AUTS2: variants seen among roughly 807,000 people sequenced by gnomAD.
The protein encoded by AUTS2 is autism susceptibility gene 2 protein.
Under a neutral mutation model 112.4 loss-of-function variants are expected in AUTS2, and 17 were observed. The observed-to-expected ratio is 0.15, with a 90% CI of 0.10 to 0.23. The LOEUF (loss-of-function observed/expected upper bound fraction) is 0.23. AUTS2 is among the 10% of genes least tolerant of loss of function. AUTS2 has a pLI of 1.00. For missense variants in AUTS2, 1,510 were observed against 1,701.6 expected, an observed-to-expected ratio of 0.89 and a Z score of 1.98; for synonymous variants, 751 against 702.7, an observed-to-expected ratio of 1.07 and a Z score of -1.09.
intron 1 of AUTS2, among the ~76,000 whole-genome samples, chr7:69,830,993 T>C (rs906882344): frequency 3.3e-5 from 5 of 152,160 alleles, no homozygotes; most frequent in East Asian, 1.9e-4. Context: ...GAGACCTTTA[T>C]AGTAGTGAAA....
chr7:69,742,608 A>G (rs953157814), intron 1 of AUTS2, among the ~76,000 whole-genome samples: 2 of 152,318 alleles, frequency 1.3e-5, no homozygotes, highest in African/African-American at 4.8e-5. Flanking sequence ...TTTAAGCATC[A>G]AAACTAACTT....
chr7:69,613,396 A>G (rs1793147515), intron 1 of AUTS2, among the ~76,000 whole-genome samples: 1 of 152,228 alleles, frequency 6.6e-6, no homozygotes, highest in Non-Finnish European at 1.5e-5. Context: ...ATATATCTGT[A>G]ACATATTCGT....
At position 70,582,697 on chromosome 7, in the gene AUTS2, A is replaced by G. The variant is rs141451577; in HGVS notation, c.691-115872A>G. On this transcript the variant is annotated intron_variant, in intron 5 of 18. Transcript: ENST00000342771. ...GTTCATTTCCCTCTTCATCGTTCTT[A>G]GTAGCTTTTAGAAAATGTGTCTGCT... 5.6e-4 allele frequency among the ~76,000 whole-genome samples: 85 copies of G among 152,302 alleles called. No homozygotes were observed. The East Asian group carries it at 0.011, about 19-fold the overall frequency.
intron 2 of AUTS2, among the ~76,000 whole-genome samples, chr7:70,003,540 T>C (rs1323083316): frequency 3.2e-5 from 4 of 126,196 alleles, no homozygotes; most frequent in African/African-American, 1.3e-4. Flanking sequence ...ATATGTTATA[T>C]ATGTATATAT....
intron 1 of AUTS2, among the ~76,000 whole-genome samples, chr7:69,652,657 T>G (rs1054367230): frequency 6.6e-6 from 1 of 152,060 alleles, no homozygotes; most frequent in Admixed American, 6.5e-5. Context: ...ATTTGTGAAT[T>G]TATGGACCTG....
At chr7:69,789,907 G>A (rs1789540398) in intron 1 of AUTS2, among the ~76,000 whole-genome samples, 2 of 152,080 alleles carry the variant, frequency 1.3e-5, no homozygotes, top group Admixed American at 1.3e-4. Flanking sequence ...CTGAAATGAT[G>A]ACAGTGAGTG....
intron 1 of AUTS2, among the ~76,000 whole-genome samples, chr7:69,744,988 G>A (rs1787427956): frequency 6.6e-6 from 1 of 152,214 alleles, no homozygotes; most frequent in South Asian, 2.1e-4. Context: ...AAGTGCTGCA[G>A]TCCATTTGGC....
intron 2 of AUTS2, among the ~76,000 whole-genome samples, chr7:70,013,404 C>G (rs1037402647): frequency 6.6e-6 from 1 of 152,162 alleles, no homozygotes; most frequent in African/African-American, 2.4e-5. Flanking sequence ...AAGTCAAGAT[C>G]GCTTTTAGCT....
rs552651146 is a variant in AUTS2, at chr7:70,236,937, A to T, written c.660+102366A>T. ...GGTGTTCTCTGTACTACTCTGTTTA[A>T]TCTCCCTGCTTACCACTTACTGCCT... On this transcript the variant is annotated intron_variant, in intron 4 of 18. Transcript: ENST00000342771. Among the ~76,000 whole-genome samples the T allele has an allele frequency of 3.3e-5, 5 of 152,236 alleles. No individual in the cohort carries two copies. In the South Asian group the frequency reaches 8.3e-4, roughly 25 times the overall value.
At chr7:70,517,681 A>G (rs1438524759) in intron 5 of AUTS2, among the ~76,000 whole-genome samples, 1 of 151,272 alleles carries the variant, frequency 6.6e-6, no homozygotes, top group Non-Finnish European at 1.5e-5. Context: ...TGTCCAGTTA[A>G]TGATAGAAAT....
At chr7:69,901,645 A>C (rs1264632984) in intron 2 of AUTS2, among the ~76,000 whole-genome samples, 1 of 152,220 alleles carries the variant, frequency 6.6e-6, no homozygotes, top group Non-Finnish European at 1.5e-5. Flanking sequence ...GGAGAAGGAA[A>C]GCATGAATTG....
chr7:70,582,531 G>A (rs1008979580), intron 5 of AUTS2, among the ~76,000 whole-genome samples: 6 of 152,204 alleles, frequency 3.9e-5, no homozygotes, highest in Non-Finnish European at 2.9e-5. Flanking sequence ...GAAAAGGAAA[G>A]GAAAAATACC....
intron 6 of AUTS2, among the ~76,000 whole-genome samples, chr7:70,737,877 A>G (rs1431968167): frequency 1.3e-5 from 2 of 152,216 alleles, no homozygotes; most frequent in Non-Finnish European, 2.9e-5. Flanking sequence ...GCAGTAAAAT[A>G]TAATGCAGAC....
chr7:69,803,311 C>A (rs1369453187), intron 1 of AUTS2, among the ~76,000 whole-genome samples: 1 of 152,186 alleles, frequency 6.6e-6, no homozygotes, highest in Non-Finnish European at 1.5e-5. Flanking sequence ...AATGCTGTCA[C>A]TTGTCACATG....
intron 5 of AUTS2, among the ~76,000 whole-genome samples, chr7:70,605,682 C>G (rs2129531216): frequency 6.6e-6 from 1 of 151,414 alleles, no homozygotes; most frequent in South Asian, 2.1e-4. Context: ...TCATCTTTCC[C>G]ATAAAAGGTG....
intron 6 of AUTS2, among the ~76,000 whole-genome samples, chr7:70,712,993 T>C (rs1810144896): frequency 6.6e-6 from 1 of 152,172 alleles, no homozygotes; most frequent in Non-Finnish European, 1.5e-5. Context: ...ATCCTTCCAC[T>C]CTCTATAGCC....
chr7:70,205,160 C>T (rs950152429), intron 4 of AUTS2, among the ~76,000 whole-genome samples: 1 of 152,130 alleles, frequency 6.6e-6, no homozygotes, highest in Admixed American at 6.5e-5. Context: ...CCTGCCTCAG[C>T]CTCCCAAGAA....
At chr7:70,730,523 C>T (rs1374503229) in intron 6 of AUTS2, among the ~76,000 whole-genome samples, 2 of 152,116 alleles carry the variant, frequency 1.3e-5, no homozygotes, top group Non-Finnish European at 2.9e-5. Context: ...TGTGATCTTT[C>T]GTGTCTGGCT....
At position 69,923,802 on chromosome 7, in the gene AUTS2, G is replaced by T. The variant is rs147185789; in HGVS notation, c.522+24304G>T. Among the ~76,000 whole-genome samples, 202 of 152,228 alleles carry T rather than the reference G, an allele frequency of 1.3e-3. 2 individuals carry two copies. Among genetic ancestry groups the T allele is most frequent in the African/African-American group, 4.7e-3 (194 of 41,548 alleles). ...ATTTTTGTATATTCACTTGCATTCT[G>T]CAACCTTGCTAAACTCACTTATTAG... is the stretch of plus-strand genomic sequence containing the variant. On this transcript the variant is annotated intron_variant, in intron 2 of 18. Coordinates refer to ENST00000342771, the MANE Select transcript of AUTS2 (RefSeq NM_015570.4).
Sources: allele counts gnomAD v4.1 joint callset (sites outside exome capture counted in the v4.1 genomes callset), GRCh38; gene constraint gnomAD v4.1.1; transcripts MANE v1.5; gene names NCBI Gene and HGNC (gene_info 2026-07-23, HGNC 2026-07-21).